DYNC1I2: variants seen among roughly 807,000 people sequenced by gnomAD.
The protein encoded by DYNC1I2 is cytoplasmic dynein 1 intermediate chain 2.
A neutral mutation model predicts 88.6 loss-of-function variants in DYNC1I2; 53 were observed. That is an observed-to-expected ratio of 0.60 (90% CI 0.48 to 0.75). The LOEUF is 0.75. DYNC1I2 is among the 30% of genes least tolerant of loss of function. DYNC1I2 has a pLI of 0.00. For missense variants in DYNC1I2, 458 were observed against 766.6 expected (o/e 0.60, Z 4.75); for synonymous variants, 198 against 254.6 (o/e 0.78, Z 2.12).
intron 10 of DYNC1I2, 49 bp from the exon 11 acceptor site, chr2:171,726,742 A>C (rs745702357): frequency 4.4e-6 from 7 of 1,599,246 alleles, no homozygotes; most frequent in Admixed American, 3.5e-5. Flanking sequence ...ATTATAAAAC[A>C]GTTCTTATTA....
chr2:171,735,777 G>A lies in DYNC1I2; in HGVS notation c.1536+5924G>A, dbSNP rs1185131081. On this transcript the variant is annotated intron_variant, in intron 15 of 17. Transcript: ENST00000397119. ...GGATTCTAGAAGAGTTTGATTATGG[G>A]TAGACCTGGTAGATTCACTAAATGT... 2.0e-5 allele frequency among the ~76,000 whole-genome samples: 3 copies of A among 152,190 alleles called. No homozygotes were observed. In the East Asian group the frequency reaches 5.8e-4, roughly 29 times the overall value.
intron 6 of DYNC1I2, among the ~76,000 whole-genome samples, chr2:171,714,534 A>G (rs1342409824): frequency 2.6e-5 from 4 of 152,146 alleles, no homozygotes; most frequent in Non-Finnish European, 5.9e-5. Flanking sequence ...TAAACATCTA[A>G]TAAAACCAAT....
rs960827274 is a variant in DYNC1I2, at chr2:171,713,868, A to G, written c.395+1042A>G. Among the ~76,000 whole-genome samples the G allele has an allele frequency of 2.6e-5, 4 of 152,068 alleles. No individual in the cohort carries two copies. The East Asian group carries it at 7.7e-4, about 29-fold the overall frequency. On this transcript the variant is annotated intron_variant, in intron 6 of 17. Coordinates refer to ENST00000397119, the MANE Select transcript of DYNC1I2 (RefSeq NM_001378.3). ...CTGAGGCTTCCCCCTCCTGCCTCCC[A>G]TTGCTTCCTTATTTTCAGTAAAAGT...
chr2:171,739,696 C>CTCTCTCT (rs1689267774), intron 15 of DYNC1I2, among the ~76,000 whole-genome samples: 10 of 65,090 alleles, frequency 1.5e-4, no homozygotes, highest in African/African-American at 5.7e-4. Flanking sequence ...TGACATATCT[C>CTCTCTCT]TTTTTTTTTT....
chr2:171,700,837 T>C (rs1686201697), intron 3 of DYNC1I2, among the ~76,000 whole-genome samples: 1 of 152,134 alleles, frequency 6.6e-6, no homozygotes, highest in South Asian at 2.1e-4. Context: ...TTCACCGTGT[T>C]AGCCAGGATG....
At position 171,734,409 on chromosome 2, in the gene DYNC1I2, GT is replaced by G. The variant is rs566273705; in HGVS notation, c.1536+4559del. On this transcript the variant is annotated intron_variant, in intron 15 of 17. Transcript: ENST00000397119. ...TATTTTTATTCTTGTATTTTAATGT[GT>G]TTCAACATAGAAGTGCCTTCTGAAT... is the stretch of plus-strand genomic sequence containing the variant. Among the ~76,000 whole-genome samples, 569 of 152,250 alleles carry G rather than the reference GT, an allele frequency of 3.7e-3. 2 individuals carry two copies. Among genetic ancestry groups the G allele is most frequent in the Non-Finnish European group, 5.6e-3 (383 of 68,008 alleles).
intron 15 of DYNC1I2, among the ~76,000 whole-genome samples, chr2:171,731,797 C>A (rs955625255): frequency 8.9e-6 from 1 of 112,470 alleles, no homozygotes; most frequent in Non-Finnish European, 2.2e-5. Context: ...TGACCTTGAA[C>A]TGGGAAAAGC....
chr2:171,746,758 C>T (rs1216895988), intron 17 of DYNC1I2, among the ~76,000 whole-genome samples: 1 of 152,106 alleles, frequency 6.6e-6, no homozygotes, highest in Non-Finnish European at 1.5e-5. Context: ...TTTTAATATA[C>T]ACAGTCACAT....
chr2:171,742,710 CT>C (rs1188488408), intron 15 of DYNC1I2, among the ~76,000 whole-genome samples: 1 of 152,186 alleles, frequency 6.6e-6, no homozygotes, highest in African/African-American at 2.4e-5. Flanking sequence ...TCTTCTCTGG[CT>C]TTTGCAAAGT....
At chr2:171,700,223 A>G (rs774471592) in intron 3 of DYNC1I2, among the ~76,000 whole-genome samples, 1 of 152,174 alleles carries the variant, frequency 6.6e-6, no homozygotes, top group Non-Finnish European at 1.5e-5. Context: ...GGGCCACTCC[A>G]CGGATCTACT....
At chr2:171,740,537 AATG>A (rs1287141348) in intron 15 of DYNC1I2, among the ~76,000 whole-genome samples, 2 of 152,136 alleles carry the variant, frequency 1.3e-5, no homozygotes, top group Non-Finnish European at 2.9e-5. Flanking sequence ...TGGGTGATCA[AATG>A]ATTTTTTCCC....
intron 3 of DYNC1I2, among the ~76,000 whole-genome samples, chr2:171,696,775 A>G (rs1464150092): frequency 1.3e-5 from 2 of 151,918 alleles, no homozygotes; most frequent in Non-Finnish European, 2.9e-5. Flanking sequence ...TATTTTCACT[A>G]TGAATCTATT....
intron 3 of DYNC1I2, among the ~76,000 whole-genome samples, chr2:171,698,735 G>C (rs1293275183): frequency 2.6e-5 from 4 of 152,022 alleles, no homozygotes; most frequent in East Asian, 1.9e-4. Flanking sequence ...CGAGTGTGGT[G>C]GTGGGCGCCT....
At chr2:171,712,076 T>TTTTA (rs1687161888) in intron 5 of DYNC1I2, among the ~76,000 whole-genome samples, 1 of 152,244 alleles carries the variant, frequency 6.6e-6, no homozygotes, top group South Asian at 2.1e-4. Flanking sequence ...AGGATTGACA[T>TTTTA]TTGAACATAA....
intron 1 of DYNC1I2, among the ~76,000 whole-genome samples, 153 bp from the exon 2 acceptor site, chr2:171,689,994 C>G (rs1193905532): frequency 3.6e-5 from 5 of 139,666 alleles, no homozygotes; most frequent in African/African-American, 5.3e-5. Flanking sequence ...CCAAAGTAAG[C>G]TACTGCCCAG....
intron 15 of DYNC1I2, 130 bp downstream of exon 15, chr2:171,729,983 T>C (rs907538399): frequency 2.8e-6 from 3 of 1,072,922 alleles, no homozygotes; most frequent in Non-Finnish European, 4.1e-6. Flanking sequence ...TGCTAGGAAG[T>C]TACACAGAGC....
chr2:171,690,637 A>G (rs964992812), intron 2 of DYNC1I2, among the ~76,000 whole-genome samples: 3 of 141,818 alleles, frequency 2.1e-5, no homozygotes, highest in African/African-American at 7.8e-5. Flanking sequence ...GCGCATCTGT[A>G]TTTTTTTTTG....
At chr2:171,725,508 T>C in intron 7 of DYNC1I2, 110 bp from the exon 8 acceptor site, 1 of 669,868 alleles carries the variant, frequency 1.5e-6, no homozygotes, top group Non-Finnish European at 2.4e-6. Flanking sequence ...TTGGGAGTTG[T>C]GATACCTTCT....
At chr2:171,699,663 A>G (rs1456606628) in intron 3 of DYNC1I2, among the ~76,000 whole-genome samples, 4 of 150,492 alleles carry the variant, frequency 2.7e-5, no homozygotes, top group Middle Eastern at 6.8e-3. Context: ...GTTTAGAGAC[A>G]GGGTCTCAGT....
Sources: gnomAD v4.1 joint callset for allele counts (sites outside exome capture counted in the v4.1 genomes callset) on GRCh38, gnomAD v4.1.1 for gene constraint, MANE v1.5 for transcripts, NCBI Gene and HGNC (gene_info 2026-07-23, HGNC 2026-07-21) for gene names.